Variants in EPM2A observed in about 807,000 individuals in gnomAD.
EPM2A encodes laforin.
EPM2A carries 21 observed loss-of-function variants against 26.5 expected under a neutral mutation model. The ratio of observed to expected loss-of-function variants is 0.79; its 90% CI spans 0.56 to 1.14. EPM2A has a LOEUF of 1.14. EPM2A is among the 50% of genes most tolerant of loss of function. The pLI, the probability that EPM2A is intolerant of heterozygous loss-of-function variation, is 0.00. For missense variants in EPM2A, 458 were observed against 440.8 expected (o/e 1.04, Z -0.35); for synonymous variants, 217 against 177.6 (o/e 1.22, Z -1.76).
At chr6:145,595,104 C>G (rs900095303) in intron 2 of EPM2A, among the ~76,000 whole-genome samples, 1 of 150,084 alleles carries the variant, frequency 6.7e-6, no homozygotes, top group Non-Finnish European at 1.5e-5. Flanking sequence ...TAGCAGAGAT[C>G]TGTCTCTTTT....
intron 3 of EPM2A, chr6:145,632,385 C>T (rs1776332169): frequency 1.3e-5 from 2 of 152,172 alleles, no homozygotes; most frequent in Admixed American, 6.5e-5. Context: ...GCTGCAGTGA[C>T]AGAGGTCAAA....
At chr6:145,692,192 TC>T (rs944392753) in intron 1 of EPM2A, among the ~76,000 whole-genome samples, 31 of 151,966 alleles carry the variant, frequency 2.0e-4, no homozygotes, top group African/African-American at 7.5e-4. Flanking sequence ...TGTGTATATA[TC>T]AAACAGTAAG....
intron 2 of EPM2A, among the ~76,000 whole-genome samples, chr6:145,524,946 T>G (rs1285070446): frequency 6.6e-6 from 1 of 152,198 alleles, no homozygotes; most frequent in African/African-American, 2.4e-5. Context: ...AATTTTTGTA[T>G]ATGGTGAAAG....
chr6:145,403,892 G>A (rs1778531134), intron 4 of EPM2A, among the ~76,000 whole-genome samples: 1 of 152,198 alleles, frequency 6.6e-6, no homozygotes, highest in East Asian at 1.9e-4. Flanking sequence ...CAGTGTACGA[G>A]GGTTCCCTTT....
chr6:145,471,021 G>A (rs1020335296), intron 4 of EPM2A, among the ~76,000 whole-genome samples: 2 of 152,148 alleles, frequency 1.3e-5, no homozygotes, highest in African/African-American at 4.8e-5. Context: ...CCTCCCTGAA[G>A]TAGCAGGCTA....
At chr6:145,649,984 T>C (rs925820933) in intron 2 of EPM2A, among the ~76,000 whole-genome samples, 1 of 152,248 alleles carries the variant, frequency 6.6e-6, no homozygotes, top group East Asian at 1.9e-4. Flanking sequence ...ATCTATCCAG[T>C]TGCCTGTAGG....
intron 2 of EPM2A, among the ~76,000 whole-genome samples, chr6:145,537,578 G>A (rs1250495999): frequency 7.4e-6 from 1 of 135,564 alleles, no homozygotes; most frequent in Non-Finnish European, 1.6e-5. Flanking sequence ...TGTCCTACAA[G>A]AGGTTTTTTT....
intron 2 of EPM2A, among the ~76,000 whole-genome samples, chr6:145,592,783 A>C (rs1436956864): frequency 6.6e-6 from 1 of 152,170 alleles, no homozygotes; most frequent in African/African-American, 2.4e-5. Context: ...CCACCAAAAA[A>C]GCTTTTTTAA....
downstream of EPM2A, among the ~76,000 whole-genome samples, chr6:145,497,689 T>A (rs1357597450): frequency 6.6e-6 from 1 of 152,240 alleles, no homozygotes; most frequent in African/African-American, 2.4e-5. Context: ...CTTCTAGGAG[T>A]CTGTCCCAGG....
chr6:145,491,010 T>C (rs1418825164), intron 4 of EPM2A: 2 of 920,556 alleles, frequency 2.2e-6, no homozygotes, highest in African/African-American at 3.3e-5. Context: ...AATTGTGCCT[T>C]CAGCAATCTC....
intron 4 of EPM2A, among the ~76,000 whole-genome samples, chr6:145,429,420 G>GTA (rs1229670692): frequency 1.2e-4 from 19 of 152,024 alleles, no homozygotes; most frequent in Admixed American, 1.2e-3. Flanking sequence ...AAGACCTGGT[G>GTA]TATATAGCAG....
intron 2 of EPM2A, among the ~76,000 whole-genome samples, chr6:145,652,320 T>C (rs140352504): frequency 2.0e-5 from 3 of 152,268 alleles, no homozygotes; most frequent in Non-Finnish European, 4.4e-5. Context: ...GCCTCTGTTT[T>C]GCCACCTCTT....
chr6:145,391,044 TC>T (rs1161511666), intron 4 of EPM2A, among the ~76,000 whole-genome samples: 2 of 152,084 alleles, frequency 1.3e-5, no homozygotes, highest in African/African-American at 4.8e-5. Flanking sequence ...GTTTGAGAAA[TC>T]AAAGTAAAAT....
intron 2 of EPM2A, among the ~76,000 whole-genome samples, chr6:145,642,724 A>T (rs2128570197): frequency 6.6e-6 from 1 of 152,348 alleles, no homozygotes; most frequent in African/African-American, 2.4e-5. Flanking sequence ...AGAGGCAGAT[A>T]CCCAAAGTCC....
chr6:145,432,050 C>T (rs528027691), intron 4 of EPM2A, among the ~76,000 whole-genome samples: 2 of 152,148 alleles, frequency 1.3e-5, no homozygotes, highest in Non-Finnish European at 2.9e-5. Flanking sequence ...CATGAGATTG[C>T]AGCAATTCAG....
chr6:145,735,052 G>C, intron 1 of EPM2A, 146 bp downstream of exon 1: 1 of 456,592 alleles, frequency 2.2e-6, no homozygotes, highest in Non-Finnish European at 3.6e-6. Flanking sequence ...AGCCCAGGTC[G>C]CCCGGGGAGT....
chr6:145,497,626 T>C (rs1184599176), downstream of EPM2A, among the ~76,000 whole-genome samples: 2 of 128,258 alleles, frequency 1.6e-5, no homozygotes, highest in African/African-American at 5.7e-5. Flanking sequence ...CTCCAAAGCC[T>C]GGAGACCGGA....
At chr6:145,729,597 G>A (rs1447087555) in intron 1 of EPM2A, among the ~76,000 whole-genome samples, 4 of 150,868 alleles carry the variant, frequency 2.7e-5, no homozygotes, top group African/African-American at 9.8e-5. Context: ...TCTCCCTTTT[G>A]GAATGGGAGT....
At chr6:145,464,947 T>A (rs923323145) in intron 4 of EPM2A, among the ~76,000 whole-genome samples, 1 of 152,140 alleles carries the variant, frequency 6.6e-6, no homozygotes, top group Non-Finnish European at 1.5e-5. Flanking sequence ...CTGACAATTA[T>A]GTGTCTTGGT....
Sources: allele counts gnomAD v4.1 joint callset (sites outside exome capture counted in the v4.1 genomes callset), GRCh38; gene constraint gnomAD v4.1.1; transcripts MANE v1.5; gene names NCBI Gene and HGNC (gene_info 2026-07-23, HGNC 2026-07-21).